The following LRRC4C variants were observed in gnomAD, a reference collection of about 807,000 sequenced individuals.
The protein encoded by LRRC4C is leucine rich repeat containing 4C.
In LRRC4C, 5 loss-of-function variants were observed where a neutral mutation model predicts 33.6. That is an observed-to-expected ratio of 0.15 (90% CI 0.08 to 0.31). The LOEUF (loss-of-function observed/expected upper bound fraction) is 0.31, where lower values mean the gene tolerates loss of function less well. Ranked by LOEUF, LRRC4C falls within the 10% of genes least tolerant of loss-of-function variation. The pLI, the probability that LRRC4C is intolerant of heterozygous loss-of-function variation, is 1.00. For missense variants in LRRC4C, 560 were observed against 796.7 expected (o/e 0.70, Z 3.58); for synonymous variants, 329 against 302.0 (o/e 1.09, Z -0.93).
At chr11:40,784,800 T>A (rs566534419) in intron 2 of LRRC4C, among the ~76,000 whole-genome samples, 2 of 152,062 alleles carry the variant, frequency 1.3e-5, no homozygotes, top group Non-Finnish European at 2.9e-5. Context: ...AGAAAGGGTA[T>A]GAAATAGTGT....
At chr11:40,723,113 G>C (rs1309666897) in intron 2 of LRRC4C, among the ~76,000 whole-genome samples, 1 of 152,090 alleles carries the variant, frequency 6.6e-6, no homozygotes, top group Non-Finnish European at 1.5e-5. Flanking sequence ...TATGTAAAGT[G>C]ACCAAACCTA....
At chr11:40,476,324 G>A (rs141498107) in intron 3 of LRRC4C, among the ~76,000 whole-genome samples, 23 of 142,222 alleles carry the variant, frequency 1.6e-4, no homozygotes, top group African/African-American at 5.4e-4. Flanking sequence ...AAACTAATGA[G>A]TGCACATTTT....
chr11:40,787,887 T>C (rs759752274), intron 2 of LRRC4C, among the ~76,000 whole-genome samples: 43 of 152,088 alleles, frequency 2.8e-4, no homozygotes, highest in Non-Finnish European at 6.0e-4. Context: ...ACAGGGAAAA[T>C]GAAAGCCACC....
intron 1 of LRRC4C, among the ~76,000 whole-genome samples, chr11:41,406,341 A>T (rs530984907): frequency 8.5e-5 from 13 of 152,264 alleles, no homozygotes; most frequent in African/African-American, 2.9e-4. Flanking sequence ...AAATCATAGA[A>T]TTCCATCTTT....
intron 2 of LRRC4C, among the ~76,000 whole-genome samples, chr11:40,891,618 A>C (rs997728273): frequency 1.3e-5 from 2 of 152,208 alleles, no homozygotes; most frequent in Admixed American, 1.3e-4. Flanking sequence ...TTTTCAAACT[A>C]AGACAAACAA....
intron 2 of LRRC4C, among the ~76,000 whole-genome samples, chr11:40,687,548 C>T (rs929534108): frequency 2.6e-5 from 4 of 151,988 alleles, no homozygotes; most frequent in African/African-American, 9.7e-5. Flanking sequence ...TGATTAAATA[C>T]ACACTGCTGT....
chr11:41,077,840 T>C (rs111437231), intron 1 of LRRC4C, among the ~76,000 whole-genome samples: 4 of 152,290 alleles, frequency 2.6e-5, no homozygotes, highest in African/African-American at 9.6e-5. Context: ...ATGCTCTGCT[T>C]CCCTTTTAAA....
At chr11:41,331,366 A>G (rs573290345) in intron 1 of LRRC4C, among the ~76,000 whole-genome samples, 13 of 152,328 alleles carry the variant, frequency 8.5e-5, no homozygotes, top group African/African-American at 3.1e-4. Context: ...GAAGTTATTG[A>G]TTAAAGAAAC....
intron 1 of LRRC4C, among the ~76,000 whole-genome samples, chr11:41,314,669 G>A (rs960925229): frequency 5.9e-5 from 9 of 152,042 alleles, no homozygotes; most frequent in African/African-American, 2.2e-4. Context: ...GCCGTGGGAG[G>A]GGTAGCATTA....
At chr11:41,131,874 C>T (rs747537939) in intron 1 of LRRC4C, among the ~76,000 whole-genome samples, 59 of 152,090 alleles carry the variant, frequency 3.9e-4, no homozygotes, top group Non-Finnish European at 3.5e-4. Context: ...TTACAAATGC[C>T]ATGACAACAT....
At chr11:40,727,329 T>C (rs542153735) in intron 2 of LRRC4C, among the ~76,000 whole-genome samples, 2 of 152,222 alleles carry the variant, frequency 1.3e-5, no homozygotes, top group Non-Finnish European at 2.9e-5. Flanking sequence ...GGAGTCCCTA[T>C]TAATAAATTG....
chr11:41,232,736 T>G (rs930633271), intron 1 of LRRC4C, among the ~76,000 whole-genome samples: 5 of 143,734 alleles, frequency 3.5e-5, no homozygotes, highest in Non-Finnish European at 7.6e-5. Context: ...ATTACATACA[T>G]GTGTTATCAA....
chr11:41,318,465 T>C (rs555248485), intron 1 of LRRC4C, among the ~76,000 whole-genome samples: 1 of 152,200 alleles, frequency 6.6e-6, no homozygotes, highest in Non-Finnish European at 1.5e-5. Flanking sequence ...TCGTCCTCAA[T>C]TTTTCCCTCT....
At chr11:40,583,890 G>A (rs1215157776) in intron 3 of LRRC4C, among the ~76,000 whole-genome samples, 1 of 151,540 alleles carries the variant, frequency 6.6e-6, no homozygotes, top group Non-Finnish European at 1.5e-5. Context: ...ATAGTTTTAA[G>A]GCAGGAAGAA....
At chr11:40,223,826 T>C (rs530615941) in intron 5 of LRRC4C, among the ~76,000 whole-genome samples, 5 of 152,370 alleles carry the variant, frequency 3.3e-5, no homozygotes, top group Non-Finnish European at 5.9e-5. Flanking sequence ...TGTATACTTT[T>C]GCAGAACTAA....
intron 5 of LRRC4C, among the ~76,000 whole-genome samples, chr11:40,208,719 C>T (rs971384138): frequency 2.0e-5 from 3 of 152,152 alleles, no homozygotes; most frequent in African/African-American, 7.2e-5. Flanking sequence ...TCATATATAA[C>T]ATATGCATGT....
At chr11:40,350,133 T>C (rs1339180276) in intron 3 of LRRC4C, among the ~76,000 whole-genome samples, 1 of 152,156 alleles carries the variant, frequency 6.6e-6, no homozygotes, top group African/African-American at 2.4e-5. Context: ...GGTTGCCTTA[T>C]GCTTTTAGGA....
chr11:40,372,910 C>T (rs1341667448), intron 3 of LRRC4C, among the ~76,000 whole-genome samples: 4 of 151,930 alleles, frequency 2.6e-5, no homozygotes, highest in Non-Finnish European at 5.9e-5. Flanking sequence ...TAGTTTTAAG[C>T]CAGATAATTT....
At chr11:40,126,057 A>G (rs1471250062) in intron 6 of LRRC4C, among the ~76,000 whole-genome samples, 3 of 151,718 alleles carry the variant, frequency 2.0e-5, no homozygotes, top group Non-Finnish European at 2.9e-5. Flanking sequence ...TTAAATGGCT[A>G]TAACCCAGTG....
Sources: gnomAD v4.1 joint callset for allele counts (sites outside exome capture counted in the v4.1 genomes callset) on GRCh38, gnomAD v4.1.1 for gene constraint, MANE v1.5 for transcripts, NCBI Gene and HGNC (gene_info 2026-07-23, HGNC 2026-07-21) for gene names.